The following SORCS1 variants were observed in gnomAD, a reference collection of about 807,000 sequenced individuals.
The protein encoded by SORCS1 is sortilin related VPS10 domain containing receptor 1, also known as VPS10 domain-containing receptor SorCS1.
A neutral mutation model predicts 146.1 loss-of-function variants in SORCS1; 60 were observed. The observed-to-expected ratio is 0.41, with a 90% confidence interval of 0.33 to 0.51. The LOEUF (loss-of-function observed/expected upper bound fraction) is 0.51. SORCS1 is among the 20% of genes least tolerant of loss of function. The pLI, the probability that SORCS1 is intolerant of heterozygous loss-of-function variation, is 0.21. For synonymous variants in SORCS1, 637 were observed against 584.0 expected (o/e 1.09, Z -1.31); for missense variants, 1,352 against 1,487.6 (o/e 0.91, Z 1.50).
At chr10:107,069,912 A>G (rs1393908714) in intron 1 of SORCS1, among the ~76,000 whole-genome samples, 1 of 152,218 alleles carries the variant, frequency 6.6e-6, no homozygotes, top group Non-Finnish European at 1.5e-5. Flanking sequence ...TGTGACCACC[A>G]TCACAATCTA....
chr10:106,800,511 A>ATTTT, intron 3 of SORCS1, among the ~76,000 whole-genome samples: 1 of 141,582 alleles, frequency 7.1e-6, no homozygotes, highest in Non-Finnish European at 1.5e-5. Flanking sequence ...TTCTAGGTGA[A>ATTTT]TCTTTTTTTT....
At chr10:106,637,074 G>C (rs557064624) in intron 18 of SORCS1, among the ~76,000 whole-genome samples, 1 of 152,210 alleles carries the variant, frequency 6.6e-6, no homozygotes, top group Non-Finnish European at 1.5e-5. Flanking sequence ...ATTCCTGGTA[G>C]TGTGAGTGTT....
intron 5 of SORCS1, among the ~76,000 whole-genome samples, chr10:106,735,613 G>T (rs959332085): frequency 2.0e-5 from 3 of 152,168 alleles, no homozygotes; most frequent in African/African-American, 7.2e-5. Flanking sequence ...AGGTACTGGG[G>T]CCCTAGCTCA....
intron 6 of SORCS1, among the ~76,000 whole-genome samples, chr10:106,714,055 T>G (rs12241157): frequency 0.042 from 5,526 of 132,976 alleles, 299 homozygotes; most frequent in African/African-American, 0.13. Context: ...AGAATCACTT[T>G]AACTCAGGAG....
chr10:106,597,218 C>T (rs1202693823), intron 24 of SORCS1, 133 bp downstream of exon 24: 1 of 701,750 alleles, frequency 1.4e-6, no homozygotes, highest in Non-Finnish European at 2.4e-6. Context: ...GCAAGGGAAC[C>T]TCCAAGATCC....
intron 3 of SORCS1, among the ~76,000 whole-genome samples, chr10:106,788,183 G>A (rs1166972186): frequency 6.6e-6 from 1 of 152,086 alleles, no homozygotes; most frequent in Non-Finnish European, 1.5e-5. Flanking sequence ...AACAGCATGA[G>A]GGGAACCACC....
At chr10:107,016,110 T>C (rs138454928) in intron 1 of SORCS1, among the ~76,000 whole-genome samples, 93 of 152,326 alleles carry the variant, frequency 6.1e-4, no homozygotes, top group African/African-American at 2.2e-3. Context: ...CAGATATGAA[T>C]ATTTTTAATA....
At chr10:106,755,860 G>A (rs754927925) in intron 5 of SORCS1, among the ~76,000 whole-genome samples, 4 of 152,150 alleles carry the variant, frequency 2.6e-5, no homozygotes, top group East Asian at 1.9e-4. Context: ...TGGGCATGGC[G>A]GCCCACACCT....
chr10:106,865,022 C>G (rs543994589), intron 2 of SORCS1, among the ~76,000 whole-genome samples: 1 of 152,170 alleles, frequency 6.6e-6, no homozygotes, highest in African/African-American at 2.4e-5. Context: ...GGTGGGCCAC[C>G]AACTTTGCTG....
rs149415347 is a variant in SORCS1, at chr10:106,741,241, AC to A, written c.960-11128del. Among the ~76,000 whole-genome samples, 5 of 152,240 alleles carry A rather than the reference AC, an allele frequency of 3.3e-5. No individual in the cohort carries two copies. The East Asian group carries it at 9.7e-4, about 29-fold the overall frequency. On this transcript the variant is annotated intron_variant, in intron 5 of 25. Coordinates refer to ENST00000263054, the MANE Select transcript of SORCS1 (RefSeq NM_052918.5). ...AATTCTTTTCATAGAAAAAAAAATT[AC>A]CCCTTAGTGTCTGAGGCAAGACAGT...
chr10:106,849,929 G>A (rs1039759888), intron 2 of SORCS1, among the ~76,000 whole-genome samples: 1 of 151,706 alleles, frequency 6.6e-6, no homozygotes, highest in Admixed American at 6.6e-5. Context: ...CACTTGAGGA[G>A]GCAGTCTGCC....
At chr10:106,743,821 G>T (rs1438895409) in intron 5 of SORCS1, among the ~76,000 whole-genome samples, 1 of 152,070 alleles carries the variant, frequency 6.6e-6, no homozygotes, top group Non-Finnish European at 1.5e-5. Context: ...ATAATACTAA[G>T]TATACAGAAG....
In SORCS1 at chr10:106,878,884, G is replaced by A. The variant is rs1160952152; in HGVS notation, c.627-49211C>T. On this transcript the variant is annotated intron_variant, in intron 2 of 25. Transcript: ENST00000263054. ...AAAATTTCCCTGGGCGCAATGACTC[G>A]TACCTGTAATCCCAGCACTTTGGGA... Among the ~76,000 whole-genome samples the A allele has an allele frequency of 2.6e-5, 4 of 151,400 alleles. No individual in the cohort carries two copies. In the East Asian group the frequency reaches 5.9e-4, roughly 22 times the overall value.
chr10:106,900,555 G>C (rs1289840681), intron 2 of SORCS1, among the ~76,000 whole-genome samples: 1 of 151,836 alleles, frequency 6.6e-6, no homozygotes, highest in Non-Finnish European at 1.5e-5. Context: ...TAACTCAGAG[G>C]TGTGCTCTAC....
chr10:106,754,029 C>T (rs1158562724), intron 5 of SORCS1, among the ~76,000 whole-genome samples: 3 of 152,146 alleles, frequency 2.0e-5, no homozygotes, highest in Non-Finnish European at 2.9e-5. Context: ...ATAATGGGTA[C>T]CTCTTGTTGA....
chr10:106,709,593 C>T (rs534353872), intron 6 of SORCS1, among the ~76,000 whole-genome samples: 2 of 151,974 alleles, frequency 1.3e-5, no homozygotes, highest in Non-Finnish European at 2.9e-5. Flanking sequence ...GGACTACAGG[C>T]ATCCACCACA....
chr10:107,087,019 C>G (rs573883216), intron 1 of SORCS1, among the ~76,000 whole-genome samples: 7 of 152,230 alleles, frequency 4.6e-5, no homozygotes, highest in Non-Finnish European at 8.8e-5. Flanking sequence ...CAGAGCGTGA[C>G]TTCGTCTCAA....
intron 1 of SORCS1, among the ~76,000 whole-genome samples, chr10:107,051,517 C>T (rs1960120325): frequency 6.6e-6 from 1 of 152,060 alleles, no homozygotes; most frequent in Admixed American, 6.6e-5. Flanking sequence ...GACAGTTTCT[C>T]CAGAAAAACA....
At chr10:106,790,375 T>A (rs144081314) in intron 3 of SORCS1, among the ~76,000 whole-genome samples, 1 of 152,310 alleles carries the variant, frequency 6.6e-6, no homozygotes, top group East Asian at 1.9e-4. Context: ...CTGCAGCCAA[T>A]GAGCTGGGAA....
Sources: allele counts gnomAD v4.1 joint callset (sites outside exome capture counted in the v4.1 genomes callset), GRCh38; gene constraint gnomAD v4.1.1; transcripts MANE v1.5; gene names NCBI Gene and HGNC (gene_info 2026-07-23, HGNC 2026-07-21).